The following CSMD1 variants were observed in gnomAD, a reference collection of about 807,000 sequenced individuals.
The protein encoded by CSMD1 is CUB and sushi domain-containing protein 1.
In CSMD1, 213 loss-of-function variants were observed where a neutral mutation model predicts 417.5. That is an observed-to-expected ratio of 0.51 (90% CI 0.46 to 0.57). CSMD1 has a LOEUF of 0.57. CSMD1 is among the 20% of genes least tolerant of loss of function. CSMD1 has a pLI of 0.00. For synonymous variants in CSMD1, 2,862 were observed against 1,736.8 expected (o/e 1.65, Z -16.11); for missense variants, 6,923 against 4,529.7 (o/e 1.53, Z -15.17).
intron 3 of CSMD1, among the ~76,000 whole-genome samples, chr8:4,352,179 T>A (rs915131849): frequency 1.3e-5 from 2 of 152,178 alleles, no homozygotes; most frequent in Admixed American, 1.3e-4. Flanking sequence ...ACTTAGGTTC[T>A]CATTGCCTGG....
At chr8:4,326,812 T>C (rs1264092874) in intron 3 of CSMD1, among the ~76,000 whole-genome samples, 1 of 151,006 alleles carries the variant, frequency 6.6e-6, no homozygotes, top group Non-Finnish European at 1.5e-5. Context: ...CAAGAAAACT[T>C]TGGCTTTGAG....
At chr8:3,549,711 C>G (rs573503266) in intron 10 of CSMD1, among the ~76,000 whole-genome samples, 15 of 152,108 alleles carry the variant, frequency 9.9e-5, no homozygotes, top group African/African-American at 3.4e-4. Context: ...TGCCTTGGGC[C>G]TCTACAGAAA....
chr8:4,821,352 G>A (rs568751568), intron 1 of CSMD1, among the ~76,000 whole-genome samples: 8 of 152,126 alleles, frequency 5.3e-5, no homozygotes, highest in South Asian at 4.1e-4. Context: ...TATCCAAATA[G>A]TTAAATAGCT....
chr8:3,175,468 TTCTTTTC>T (rs1820855398), intron 37 of CSMD1, among the ~76,000 whole-genome samples: 1 of 39,820 alleles, frequency 2.5e-5, no homozygotes, highest in Admixed American at 3.3e-4. Flanking sequence ...CTTTCCTTCC[TTCTTTTC>T]CCTTCCTTCC....
rs537439310 is a variant in CSMD1, at chr8:4,530,039, A to C, written c.302+107303T>G. Among the ~76,000 whole-genome samples the C allele has an allele frequency of 3.9e-5, 6 of 151,952 alleles. No individual in the cohort carries two copies. In the East Asian group the frequency reaches 9.7e-4, roughly 25 times the overall value. ...ATGCCATTTTCCTGCCTCAGCCTCCAGAGTAGCTGGGACTACAGGTGCCCG... is the reference window on the plus strand; with the variant it reads ...ATGCCATTTTCCTGCCTCAGCCTCCCGAGTAGCTGGGACTACAGGTGCCCG... On this transcript the variant is annotated intron_variant, in intron 2 of 69. Coordinates refer to ENST00000635120, the MANE Select transcript of CSMD1 (RefSeq NM_033225.6).
intron 5 of CSMD1, among the ~76,000 whole-genome samples, chr8:3,862,648 A>G (rs1284174753): frequency 6.6e-6 from 1 of 152,242 alleles, no homozygotes; most frequent in Non-Finnish European, 1.5e-5. Context: ...CCAAATCTCT[A>G]AATATTTCTT....
intron 23 of CSMD1, among the ~76,000 whole-genome samples, chr8:3,320,254 G>C (rs1373280955): frequency 6.6e-6 from 1 of 152,148 alleles, no homozygotes. Flanking sequence ...AGGATGAGAA[G>C]AAATGGGAGA....
intron 1 of CSMD1, among the ~76,000 whole-genome samples, chr8:4,817,731 G>A (rs748171391): frequency 9.2e-5 from 14 of 152,090 alleles, no homozygotes; most frequent in African/African-American, 9.7e-5. Flanking sequence ...GTTTGTAGTC[G>A]AATTAATATA....
At chr8:3,586,301 A>G in intron 8 of CSMD1, 41 bp from the exon 9 acceptor site, 1 of 1,518,718 alleles carries the variant, frequency 6.6e-7, no homozygotes, top group Non-Finnish European at 8.8e-7. Flanking sequence ...CAAATTATTT[A>G]CAGAAGACTT....
At chr8:4,550,455 T>A (rs929918079) in intron 2 of CSMD1, among the ~76,000 whole-genome samples, 1 of 152,028 alleles carries the variant, frequency 6.6e-6, no homozygotes, top group East Asian at 1.9e-4. Context: ...ACTAAAGGTA[T>A]TGCATTTTTA....
rs1175131479 is a variant in CSMD1 at position 3,439,303 on chromosome 8, ATATATAT to A, written c.1561+29402_1561+29408del. On this transcript the variant is annotated intron_variant, in intron 12 of 69. Transcript: ENST00000635120. ...TCAGTATATATATATATATATATAT[ATATATAT>A]TTTTTTTTTTAATATGTATTTTTAA... is the stretch of plus-strand genomic sequence containing the variant. Among the ~76,000 whole-genome samples the A allele has an allele frequency of 2.2e-3, 85 of 37,914 alleles. 6 individuals carry two copies. Among genetic ancestry groups the A allele is most frequent in the East Asian group, 0.02 (21 of 1,066 alleles). 24.9% of individuals were successfully genotyped at this position (37,914 alleles called of 152,430 possible).
intron 3 of CSMD1, among the ~76,000 whole-genome samples, chr8:4,093,753 G>A (rs11775574): frequency 6.6e-6 from 1 of 151,910 alleles, no homozygotes; most frequent in Non-Finnish European, 1.5e-5. Flanking sequence ...CTGAGGTCAG[G>A]AGTTCAAGAC....
chr8:3,622,288 G>C (rs1054144472), intron 7 of CSMD1, among the ~76,000 whole-genome samples: 1 of 152,118 alleles, frequency 6.6e-6, no homozygotes, highest in Admixed American at 6.6e-5. Flanking sequence ...TTATTGCTGT[G>C]GCAAATTAAA....
At chr8:3,484,872 G>A (rs371378131) in intron 11 of CSMD1, among the ~76,000 whole-genome samples, 1 of 152,120 alleles carries the variant, frequency 6.6e-6, no homozygotes, top group East Asian at 1.9e-4. Flanking sequence ...AAACCACAAC[G>A]AGGTGTCATT....
At chr8:3,379,087 T>A (rs573686899) in intron 18 of CSMD1, among the ~76,000 whole-genome samples, 1 of 152,274 alleles carries the variant, frequency 6.6e-6, no homozygotes, top group South Asian at 2.1e-4. Flanking sequence ...AGCACAAGCA[T>A]TCCTATACAT....
intron 5 of CSMD1, among the ~76,000 whole-genome samples, chr8:3,950,167 G>C (rs1291265218): frequency 6.6e-6 from 1 of 152,098 alleles, no homozygotes; most frequent in African/African-American, 2.4e-5. Flanking sequence ...CAGAAGAAAG[G>C]TAAACCACAA....
At chr8:4,000,525 G>A (rs972932761) in intron 4 of CSMD1, among the ~76,000 whole-genome samples, 1 of 152,164 alleles carries the variant, frequency 6.6e-6, no homozygotes, top group African/African-American at 2.4e-5. Context: ...CCCTTGTGTT[G>A]GGATAATGGT....
rs183698273 is a variant in CSMD1 at position 4,607,037 on chromosome 8, G to A, written c.302+30305C>T. Among the ~76,000 whole-genome samples the A allele has an allele frequency of 7.4e-4, 113 of 152,142 alleles. No individual in the cohort carries two copies. The South Asian group carries it at 0.011, about 15-fold the overall frequency. On this transcript the variant is annotated intron_variant, in intron 2 of 69. Coordinates refer to ENST00000635120, the MANE Select transcript of CSMD1 (RefSeq NM_033225.6). ...AATCCAGTGGTAAAGTTTGAAAATC[G>A]ATCATTTGCTCTTCAACCATATTAT...
intron 68 of CSMD1, among the ~76,000 whole-genome samples, chr8:2,946,194 A>C (rs930525039): frequency 5.9e-5 from 9 of 152,180 alleles, no homozygotes; most frequent in Admixed American, 4.6e-4. Flanking sequence ...TCACTGGTGC[A>C]TATGCGATCT....
Sources: allele counts gnomAD v4.1 joint callset (sites outside exome capture counted in the v4.1 genomes callset), GRCh38; gene constraint gnomAD v4.1.1; transcripts MANE v1.5; gene names NCBI Gene and HGNC (gene_info 2026-07-23, HGNC 2026-07-21).